The following MRPL47 variants were observed in gnomAD, a reference collection of about 807,000 sequenced individuals.
MRPL47 encodes the protein large ribosomal subunit protein uL29m.
A neutral mutation model predicts 34.0 loss-of-function variants in MRPL47; 31 were observed. The observed-to-expected ratio is 0.91, with a 90% CI of 0.68 to 1.23. The LOEUF is 1.23. Among genes scored for constraint, MRPL47 ranks in the 50% most tolerant of loss-of-function variants. The pLI is 0.00. For synonymous variants in MRPL47, 106 were observed against 101.6 expected, an observed-to-expected ratio of 1.04 and a Z score of -0.26; for missense variants, 328 against 285.8, an observed-to-expected ratio of 1.15 and a Z score of -1.07.
intron 1 of MRPL47, among the ~76,000 whole-genome samples, chr3:179,604,090 G>T (rs1718998369): frequency 2.0e-5 from 3 of 151,484 alleles, no homozygotes; most frequent in Non-Finnish European, 4.4e-5. Flanking sequence ...ATAAATAAAA[G>T]AAGTTACTAA....
intron 6 of MRPL47, 49 bp downstream of exon 6, chr3:179,592,595 G>A (rs1439099785): frequency 1.7e-6 from 2 of 1,152,864 alleles, no homozygotes; most frequent in African/African-American, 3.0e-5. Flanking sequence ...ATGACCATAT[G>A]TCATCTGGTA....
chr3:179,601,644 T>C, intron 3 of MRPL47, 86 bp downstream of exon 3: 1 of 819,150 alleles, frequency 1.2e-6, no homozygotes, highest in Non-Finnish European at 2.1e-6. Flanking sequence ...TTACTCAATT[T>C]CTTATATCAG....
intron 6 of MRPL47, among the ~76,000 whole-genome samples, chr3:179,589,609 C>A (rs959483243): frequency 1.3e-5 from 2 of 151,790 alleles, no homozygotes; most frequent in African/African-American, 4.8e-5. Flanking sequence ...GGATATTGGT[C>A]AATAGAAATA....
chr3:179,598,430 A>ACACACAAAC (rs1491589511), intron 4 of MRPL47, among the ~76,000 whole-genome samples: 5 of 114,172 alleles, frequency 4.4e-5, no homozygotes, highest in African/African-American at 1.4e-4. Flanking sequence ...ACACACAAAC[A>ACACACAAAC]AAAAAAAAAA....
At chr3:179,597,453 G>C (rs1718813732) in intron 4 of MRPL47, among the ~76,000 whole-genome samples, 1 of 151,988 alleles carries the variant, frequency 6.6e-6, no homozygotes, top group African/African-American at 2.4e-5. Context: ...CTATGCCACA[G>C]AAAAAAATCA....
rs1247060119 is a variant in MRPL47, at chr3:179,604,632, C to T, written c.-8G>A. 1 of 1,614,116 alleles carries T rather than the reference C, an allele frequency of 6.2e-7. No homozygotes were observed. Among genetic ancestry groups the T allele is most frequent in the Non-Finnish European group, 8.5e-7 (1 of 1,180,006 alleles). On this transcript the variant is annotated 5_prime_UTR_variant, in exon 1 of 7. It removes an upstream start codon present in the reference 5' UTR. Transcript: ENST00000476781. ...CAAACCGGCCGCAGCCATGTTTTCGCATAACTGGCAAAACGCGTTTCCGCC... is the reference window on the plus strand; with the variant it reads ...CAAACCGGCCGCAGCCATGTTTTCGTATAACTGGCAAAACGCGTTTCCGCC...
intron 3 of MRPL47, among the ~76,000 whole-genome samples, chr3:179,599,185 A>G (rs576430482): frequency 6.6e-6 from 1 of 152,000 alleles, no homozygotes; most frequent in Non-Finnish European, 1.5e-5. Flanking sequence ...AAAAAAAGAC[A>G]TATTAGAAAT....
At chr3:179,591,811 A>G (rs576186296) in intron 6 of MRPL47, among the ~76,000 whole-genome samples, 1 of 152,244 alleles carries the variant, frequency 6.6e-6, no homozygotes, top group Admixed American at 6.5e-5. Context: ...TACATACTAC[A>G]ATGTTAACAG....
At chr3:179,604,477 C>T in intron 1 of MRPL47, 50 bp downstream of exon 1, 1 of 1,549,820 alleles carries the variant, frequency 6.5e-7, no homozygotes, top group Non-Finnish European at 8.8e-7. Context: ...GGCAACCAAA[C>T]AAGATCCAAA....
At chr3:179,594,154 C>T (rs1286455207) in intron 4 of MRPL47, among the ~76,000 whole-genome samples, 2 of 152,172 alleles carry the variant, frequency 1.3e-5, no homozygotes, top group Non-Finnish European at 2.9e-5. Flanking sequence ...GAGTGAGATA[C>T]ACTTACATAG....
At chr3:179,590,080 C>T (rs1016914451) in intron 6 of MRPL47, among the ~76,000 whole-genome samples, 5 of 152,132 alleles carry the variant, frequency 3.3e-5, no homozygotes, top group African/African-American at 7.2e-5. Context: ...CAGTGGCTCA[C>T]GCCTGTAATC....
At chr3:179,591,473 T>C (rs1235586362) in intron 6 of MRPL47, among the ~76,000 whole-genome samples, 6 of 152,230 alleles carry the variant, frequency 3.9e-5, no homozygotes, top group African/African-American at 1.4e-4. Context: ...TAAGTTTGTA[T>C]AGTTACCAGT....
intron 3 of MRPL47, 54 bp downstream of exon 3, chr3:179,601,676 G>T: frequency 4.5e-6 from 5 of 1,100,344 alleles, no homozygotes; most frequent in Non-Finnish European, 5.5e-6. Flanking sequence ...TCACCTCATT[G>T]TTACACTATA....
chr3:179,602,537 AG>A, intron 2 of MRPL47, 114 bp downstream of exon 2: 1 of 597,366 alleles, frequency 1.7e-6, no homozygotes, highest in South Asian at 2.2e-5. Context: ...AAACTGAAAA[AG>A]GAAACATCTA....
chr3:179,589,288 AT>A (rs1388528454), intron 6 of MRPL47, among the ~76,000 whole-genome samples: 1 of 152,224 alleles, frequency 6.6e-6, no homozygotes, highest in African/African-American at 2.4e-5. Context: ...ACTAAGCATC[AT>A]CTCTTAGCAG....
intron 5 of MRPL47, among the ~76,000 whole-genome samples, chr3:179,593,369 A>G (rs1344980117): frequency 6.6e-6 from 1 of 152,246 alleles, no homozygotes; most frequent in Non-Finnish European, 1.5e-5. Context: ...ATGTGCAAAG[A>G]GGGCAGGTGT....
rs759433053 is a variant in MRPL47 at position 179,602,605 on chromosome 3, G to A, written c.244+47C>T. On this transcript the variant is annotated intron_variant, in intron 2 of 6. Coordinates refer to ENST00000476781, the MANE Select transcript of MRPL47 (RefSeq NM_020409.3). ...AACGATGGTTGGGCGGGGCGGGGGG[G>A]GGGGTTCCATAAATATATCTAATGT... 44 of 861,474 alleles carry A rather than the reference G, an allele frequency of 5.1e-5. 2 individuals are homozygous for A. In the Admixed American group the frequency reaches 1.1e-3, roughly 21 times the overall value. The allele number at this position is 861,474 out of a possible 1,614,324, so 53.4% of individuals were successfully genotyped here. A position where few individuals can be genotyped will look rare whatever the true frequency, so the allele number is the denominator to read the frequency against.
chr3:179,603,042 A>C (rs1469647132), intron 1 of MRPL47, among the ~76,000 whole-genome samples: 1 of 151,712 alleles, frequency 6.6e-6, no homozygotes, highest in East Asian at 1.9e-4. Context: ...AAAGTGCTGG[A>C]ATTACAGGGA....
At position 179,602,803 on chromosome 3, in the gene MRPL47, A is replaced by G. The variant is rs1560021091; in HGVS notation, c.99-6T>C. On this transcript the variant is annotated splice_region_variant and splice_polypyrimidine_tract_variant and intron_variant, in intron 1 of 6. Coordinates refer to ENST00000476781, the MANE Select transcript of MRPL47 (RefSeq NM_020409.3). ...GCAACAAACTAAGAAAAAACCTGCA[A>G]TTGAACACACATAAACAAGTAAAAG... is the stretch of plus-strand genomic sequence containing the variant. 1 of 1,598,988 alleles carries G rather than the reference A, an allele frequency of 6.3e-7. No individual in the cohort carries two copies. The highest frequency in any genetic ancestry group is 8.5e-7 in the Non-Finnish European group (1 of 1,175,480).
Sources: allele counts gnomAD v4.1 joint callset (sites outside exome capture counted in the v4.1 genomes callset), GRCh38; gene constraint gnomAD v4.1.1; transcripts MANE v1.5; gene names NCBI Gene and HGNC (gene_info 2026-07-23, HGNC 2026-07-21).